The following XRN2 variants were observed in gnomAD, a reference collection of about 807,000 sequenced individuals.
XRN2 encodes the protein DHM1-like protein.
A neutral mutation model predicts 138.5 loss-of-function variants in XRN2; 44 were observed. The observed-to-expected ratio is 0.32, with a 90% CI of 0.25 to 0.41. The LOEUF (loss-of-function observed/expected upper bound fraction) is 0.41. Among genes scored for constraint, XRN2 ranks in the 10% least tolerant of loss-of-function variants. XRN2 has a pLI of 1.00. For synonymous variants in XRN2, 354 were observed against 369.4 expected (o/e 0.96, Z 0.48); for missense variants, 937 against 1,169.3 (o/e 0.80, Z 2.90).
chr20:21,365,481 A>G lies in XRN2; in HGVS notation c.2316A>G (p.Pro772=). Residue 772 remains proline (P), a synonymous_variant, in exon 25 of 30, where the codon CCA becomes CCG. Transcript: ENST00000377191. ...ACATTTTTAAAGCTGTAATGCTTCC[A>G]GGAGCAAGGTAACAACAGTAAATTA... ...EDYIFKAVML[P]GARKPAAVLK... is the part of the protein sequence containing the mutation. 6.2e-7 allele frequency: 1 copy of G among 1,613,900 alleles called. No individual in the cohort carries two copies. The highest frequency in any genetic ancestry group is 8.5e-7 in the Non-Finnish European group (1 of 1,179,936).
At chr20:21,361,934 G>A (rs2122295624) in intron 24 of XRN2, among the ~76,000 whole-genome samples, 1 of 152,296 alleles carries the variant, frequency 6.6e-6, no homozygotes, top group African/African-American at 2.4e-5. Flanking sequence ...TCCATTTTAG[G>A]AGAGAGTGTG....
At chr20:21,366,707 ATC>A (rs1309979760) in intron 26 of XRN2, among the ~76,000 whole-genome samples, 1 of 152,208 alleles carries the variant, frequency 6.6e-6, no homozygotes, top group East Asian at 1.9e-4. Context: ...GTGGAGCTCC[ATC>A]TTTAAAACCT....
rs1425718871 is a variant in XRN2 at position 21,332,398 on chromosome 20, G to A, written c.816G>A (p.Glu272=). The change falls in exon 9 of 30, where the codon GAG becomes GAA. Residue 272 remains glutamate (E), a synonymous_variant. Transcript: ENST00000377191. ...PCGLCNQFGH[E]VKDCEGLPRE... is the part of the protein sequence containing the mutation. Reference sequence around the variant, plus strand: ...GTCTTTGTAATCAGTTTGGACATGAGGTCAAAGATTGTGAAGGTTTGCCAA... The same window carrying A: ...GTCTTTGTAATCAGTTTGGACATGAAGTCAAAGATTGTGAAGGTTTGCCAA... 6.2e-7 allele frequency: 1 copy of A among 1,611,782 alleles called. No homozygotes were observed. The highest frequency in any genetic ancestry group is 1.3e-5 in the African/African-American group (1 of 74,724).
In XRN2 at chr20:21,349,387, A is replaced by T; in HGVS notation, c.1864-2A>T. On this transcript the variant is annotated splice_acceptor_variant, in intron 19 of 29. Coordinates refer to ENST00000377191, the MANE Select transcript of XRN2 (RefSeq NM_012255.5). LOFTEE classifies it high-confidence loss of function. ...GATTCTTTACTTTTCTCCCTAATAT[A>T]GGATTCTAGTATAATTGACTTCTAT... The T allele has an allele frequency of 6.4e-7, 1 of 1,571,246 alleles. No homozygotes were observed. The highest frequency in any genetic ancestry group is 8.8e-7 in the Non-Finnish European group (1 of 1,142,682).
At position 21,368,472 on chromosome 20, in the gene XRN2, G is replaced by T; in HGVS notation, c.2466G>T (p.Met822Ile). 1 of 1,613,696 alleles carries T rather than the reference G, an allele frequency of 6.2e-7. No individual in the cohort carries two copies. Among genetic ancestry groups the T allele is most frequent in the Non-Finnish European group, 8.5e-7 (1 of 1,179,818 alleles). ...TTGGGTCCTTTTATAGCCATGTGAT[G>T]CCAAGAGGCTCAGGAACTGGCATTT... ...QAAFRTLGHV[M>I]PRGSGTGIYS... Residue 822 changes from methionine to isoleucine, a missense_variant, in exon 27 of 30, where the codon ATG (methionine) becomes ATT (isoleucine). Around this residue, in one of 6 missense-constraint regions of XRN2, gnomAD observed 372 missense variants for 414.4 expected, o/e 0.90. Transcript: ENST00000377191.
chr20:21,350,876 G>A (rs1335423144), intron 20 of XRN2, among the ~76,000 whole-genome samples: 1 of 152,020 alleles, frequency 6.6e-6, no homozygotes, highest in Non-Finnish European at 1.5e-5. Context: ...ACCCATTGGG[G>A]TTATATAAGG....
chr20:21,318,003 ATTC>A (rs763236270), intron 1 of XRN2, among the ~76,000 whole-genome samples: 5 of 152,196 alleles, frequency 3.3e-5, no homozygotes, highest in Non-Finnish European at 7.3e-5. Flanking sequence ...ATTCGTACAA[ATTC>A]TTCTTTTGAA....
At chr20:21,356,433 G>A (rs1273253505) in intron 22 of XRN2, among the ~76,000 whole-genome samples, 153 bp from the exon 23 acceptor site, 1 of 151,942 alleles carries the variant, frequency 6.6e-6, no homozygotes, top group African/African-American at 2.4e-5. Context: ...TACTCTATGT[G>A]TACTTTTTTA....
intron 1 of XRN2, among the ~76,000 whole-genome samples, chr20:21,315,423 C>T (rs1379265050): frequency 1.4e-4 from 22 of 152,192 alleles, no homozygotes; most frequent in Admixed American, 1.3e-3. Flanking sequence ...TCGTGTTGAG[C>T]ATCTTTTCAT....
intron 21 of XRN2, 116 bp from the exon 22 acceptor site, chr20:21,355,964 A>G: frequency 1.7e-6 from 1 of 600,446 alleles, no homozygotes; most frequent in South Asian, 3.3e-5. Flanking sequence ...TTTTTCATAA[A>G]TTTTATAATT....
intron 1 of XRN2, among the ~76,000 whole-genome samples, chr20:21,319,415 G>GT (rs1336153407): frequency 1.3e-5 from 2 of 151,888 alleles, no homozygotes; most frequent in Admixed American, 6.6e-5. Flanking sequence ...TTTACTTTTT[G>GT]TTTTTTGTAT....
chr20:21,333,846 A>G lies in XRN2; in HGVS notation c.1067+9A>G, dbSNP rs746981969. Reference sequence around the variant, plus strand: ...CCATCGTTAGAGATTAGGTATGTGCATTTGTGTAGCTTTTCAAACGACTGT... The same window carrying G: ...CCATCGTTAGAGATTAGGTATGTGCGTTTGTGTAGCTTTTCAAACGACTGT... On this transcript the variant is annotated intron_variant, in intron 11 of 29. Coordinates refer to ENST00000377191, the MANE Select transcript of XRN2 (RefSeq NM_012255.5). 6.2e-7 allele frequency: 1 copy of G among 1,614,092 alleles called. No homozygotes were observed.
intron 1 of XRN2, among the ~76,000 whole-genome samples, chr20:21,324,923 C>G (rs2038103223): frequency 6.6e-6 from 1 of 152,202 alleles, no homozygotes. Flanking sequence ...TCACTATTAT[C>G]TGATTTTAGA....
At chr20:21,363,051 G>A (rs758374523) in intron 24 of XRN2, among the ~76,000 whole-genome samples, 2 of 151,908 alleles carry the variant, frequency 1.3e-5, no homozygotes, top group African/African-American at 4.8e-5. Flanking sequence ...ATCTTAAACC[G>A]CAGCCTCTTG....
At chr20:21,372,567 C>G (rs1006245623) in intron 27 of XRN2, among the ~76,000 whole-genome samples, 1 of 152,114 alleles carries the variant, frequency 6.6e-6, no homozygotes, top group African/African-American at 2.4e-5. Flanking sequence ...AAAAAACACC[C>G]ATAATTCCAC....
chr20:21,380,605 G>A (rs1422051679), intron 27 of XRN2, among the ~76,000 whole-genome samples: 2 of 152,106 alleles, frequency 1.3e-5, no homozygotes, highest in Non-Finnish European at 2.9e-5. Flanking sequence ...ATTGTTACTC[G>A]GTTTGACTGC....
At chr20:21,331,976 C>G (rs2038216226) in intron 8 of XRN2, among the ~76,000 whole-genome samples, 158 bp downstream of exon 8, 2 of 152,168 alleles carry the variant, frequency 1.3e-5, no homozygotes, top group Non-Finnish European at 2.9e-5. Flanking sequence ...GCTGTTTAAT[C>G]TGTGGTCAAT....
chr20:21,333,675 G>C, intron 10 of XRN2, 29 bp from the exon 11 acceptor site: 1 of 1,614,048 alleles, frequency 6.2e-7, no homozygotes. Flanking sequence ...TTTGATAGCT[G>C]TAATGGCAGC....
Position 21,306,588 on chromosome 20 carries a change from A to T in XRN2, c.75+3115A>T, listed in dbSNP as rs925087004. Among the ~76,000 whole-genome samples, 16 of 77,126 alleles carry T rather than the reference A, an allele frequency of 2.1e-4. 6 individuals carry two copies. Among genetic ancestry groups the T allele is most frequent in the Non-Finnish European group, 4.9e-4 (16 of 32,728 alleles). 50.6% of individuals were successfully genotyped at this position (77,126 alleles called of 152,430 possible). ...TATAGCATTTACCATTGTTTTAAGA[A>T]CTTTATTATAACTTGTTTGATCCTC... On this transcript the variant is annotated intron_variant, in intron 1 of 29. Coordinates refer to ENST00000377191, the MANE Select transcript of XRN2 (RefSeq NM_012255.5).
Sources: allele counts gnomAD v4.1 joint callset (sites outside exome capture counted in the v4.1 genomes callset), GRCh38; gene constraint gnomAD v4.1.1; regional missense constraint gnomAD v4.1.1; transcripts MANE v1.5; gene names NCBI Gene and HGNC (gene_info 2026-07-23, HGNC 2026-07-21).